Variants in POLR3G observed in about 807,000 individuals in gnomAD.
POLR3G encodes RNA polymerase III subunit G, also known as DNA-directed RNA polymerase III subunit RPC7.
POLR3G carries 28 observed loss-of-function variants against 30.1 expected under a neutral mutation model. The observed-to-expected ratio is 0.93, with a 90% confidence interval of 0.69 to 1.27. POLR3G has a LOEUF of 1.27. POLR3G is among the 50% of genes most tolerant of loss of function. The probability of loss-of-function intolerance (pLI) is 0.00; values close to 1 mark genes in which losing one functional copy is unlikely to be tolerated. For synonymous variants in POLR3G, 79 were observed against 82.5 expected, an observed-to-expected ratio of 0.96 and a Z score of 0.23; for missense variants, 254 against 264.6, an observed-to-expected ratio of 0.96 and a Z score of 0.28.
chr5:90,475,219 T>C (rs1005678439), intron 1 of POLR3G, among the ~76,000 whole-genome samples, 199 bp downstream of exon 1: 1 of 152,160 alleles, frequency 6.6e-6, no homozygotes, highest in African/African-American at 2.4e-5. Context: ...AATTTCCAGA[T>C]CTTACCTAGT....
intron 7 of POLR3G, among the ~76,000 whole-genome samples, chr5:90,507,569 T>C (rs959234894): frequency 4.6e-5 from 7 of 152,212 alleles, no homozygotes; most frequent in African/African-American, 1.7e-4. Flanking sequence ...AGCTATTAGA[T>C]TCTCATTTCT....
intron 6 of POLR3G, among the ~76,000 whole-genome samples, chr5:90,504,643 T>A (rs1752405539): frequency 6.6e-6 from 1 of 152,164 alleles, no homozygotes; most frequent in Non-Finnish European, 1.5e-5. Flanking sequence ...AGCATGTTTT[T>A]TAGATATAGT....
At chr5:90,478,530 T>A (rs1750951424) in intron 1 of POLR3G, among the ~76,000 whole-genome samples, 1 of 144,658 alleles carries the variant, frequency 6.9e-6, no homozygotes, top group South Asian at 2.2e-4. Context: ...GGGTGTTGCT[T>A]TCCTCTTCTG....
At chr5:90,474,141 C>T (rs762371522), upstream of POLR3G, 2 of 1,590,550 alleles carry the variant, frequency 1.3e-6, no homozygotes, top group South Asian at 1.1e-5. Context: ...CGGGAGGCTG[C>T]GCAGCCCCAG....
chr5:90,504,453 T>A (rs573625946), intron 6 of POLR3G, among the ~76,000 whole-genome samples: 1 of 151,748 alleles, frequency 6.6e-6, no homozygotes, highest in Admixed American at 6.6e-5. Flanking sequence ...TCCCAGTTAC[T>A]CGGGAGGCTG....
chr5:90,495,164 A>G (rs1413630481), intron 3 of POLR3G, among the ~76,000 whole-genome samples: 1 of 152,246 alleles, frequency 6.6e-6, no homozygotes, highest in African/African-American at 2.4e-5. Context: ...TTGACATAGA[A>G]GAAAAATCAG....
At chr5:90,490,571 A>ATT (rs10686849) in intron 3 of POLR3G, 19,062 of 313,476 alleles carry the variant, frequency 0.061, 744 homozygotes, top group African/African-American at 0.11. Context: ...CTAACTTTTA[A>ATT]TTTTTTTTTT....
upstream of POLR3G, chr5:90,474,494 C>G: frequency 1.8e-6 from 1 of 570,314 alleles, no homozygotes; most frequent in Non-Finnish European, 3.1e-6. Flanking sequence ...GCGTGCGCTC[C>G]CGCACCCTTC....
At chr5:90,491,056 G>A (rs771579380) in intron 3 of POLR3G, among the ~76,000 whole-genome samples, 6 of 152,136 alleles carry the variant, frequency 3.9e-5, no homozygotes, top group Admixed American at 6.5e-5. Context: ...TAGGGTGAGA[G>A]ATCTCAAGAC....
chr5:90,493,074 A>G (rs2562517), intron 3 of POLR3G, among the ~76,000 whole-genome samples: 29,775 of 149,836 alleles, frequency 0.2, 3,009 homozygotes, highest in East Asian at 0.31. Flanking sequence ...ATCTGGGATC[A>G]GGACGTACAG....
intron 5 of POLR3G, among the ~76,000 whole-genome samples, 200 bp from the exon 6 acceptor site, chr5:90,501,706 G>A (rs1046641164): frequency 1.3e-5 from 2 of 151,896 alleles, no homozygotes; most frequent in African/African-American, 2.4e-5. Context: ...ATCCTACTAC[G>A]TGATTATCAT....
At chr5:90,484,850 G>A (rs373043507) in intron 1 of POLR3G, among the ~76,000 whole-genome samples, 1 of 152,292 alleles carries the variant, frequency 6.6e-6, no homozygotes, top group East Asian at 1.9e-4. Context: ...GAACTCTAGC[G>A]TAGGGATCCC....
At chr5:90,501,782 T>C (rs1280677193) in intron 5 of POLR3G, 124 bp from the exon 6 acceptor site, 1 of 1,027,574 alleles carries the variant, frequency 9.7e-7, no homozygotes, top group African/African-American at 1.6e-5. Flanking sequence ...ATTAATTTAC[T>C]CTGAAAACTA....
chr5:90,489,968 A>ATGG (rs1751637496), intron 3 of POLR3G, among the ~76,000 whole-genome samples: 1 of 152,112 alleles, frequency 6.6e-6, no homozygotes, highest in African/African-American at 2.4e-5. Context: ...TTAGCCAGGC[A>ATGG]TGGTGGTGCA....
At chr5:90,483,132 C>A (rs1751230318) in intron 1 of POLR3G, among the ~76,000 whole-genome samples, 2 of 137,508 alleles carry the variant, frequency 1.5e-5, no homozygotes, top group Admixed American at 1.5e-4. Context: ...AAGACCGAAA[C>A]TCCTCCGTCT....
chr5:90,489,613 CTGTT>C (rs1481719377), intron 3 of POLR3G, among the ~76,000 whole-genome samples: 4 of 151,970 alleles, frequency 2.6e-5, no homozygotes, highest in Non-Finnish European at 5.9e-5. Flanking sequence ...ATGCTTTCGT[CTGTT>C]TGAGTTCTAA....
chr5:90,474,091 C>T, upstream of POLR3G: 3 of 1,574,480 alleles, frequency 1.9e-6, no homozygotes, highest in East Asian at 2.3e-5. Context: ...TCCTCTTTGG[C>T]CTCTCGGTCC....
intron 7 of POLR3G, among the ~76,000 whole-genome samples, 199 bp from the exon 8 acceptor site, chr5:90,511,854 C>A (rs1234245610): frequency 6.6e-6 from 1 of 152,028 alleles, no homozygotes; most frequent in Non-Finnish European, 1.5e-5. Context: ...GTATGGGCAA[C>A]CCTTCATGTT....
intron 7 of POLR3G, among the ~76,000 whole-genome samples, chr5:90,510,335 G>A (rs1038227224): frequency 1.3e-5 from 2 of 151,940 alleles, no homozygotes. Flanking sequence ...CCGAGATCGC[G>A]CCACTGCACT....
Sources: gnomAD v4.1 joint callset for allele counts (sites outside exome capture counted in the v4.1 genomes callset) on GRCh38, gnomAD v4.1.1 for gene constraint, MANE v1.5 for transcripts, NCBI Gene and HGNC (gene_info 2026-07-23, HGNC 2026-07-21) for gene names.